The following DHRS7B variants were observed in gnomAD, a reference collection of about 807,000 sequenced individuals.
The protein encoded by DHRS7B is dehydrogenase/reductase 7B, also known as peroxisomal reductase activating PPAR-gamma.
In DHRS7B, 24 loss-of-function variants were observed where a neutral mutation model predicts 26.4. The observed-to-expected ratio is 0.91, with a 90% CI of 0.66 to 1.28. The LOEUF (loss-of-function observed/expected upper bound fraction) is 1.28. DHRS7B is among the 50% of genes most tolerant of loss of function. The probability of loss-of-function intolerance (pLI) is 0.00; values close to 1 mark genes in which losing one functional copy is unlikely to be tolerated. For missense variants in DHRS7B, 368 were observed against 419.4 expected (o/e 0.88, Z 1.07); for synonymous variants, 142 against 166.4 (o/e 0.85, Z 1.13).
chr17:21,164,621 A>G (rs1001423838), intron 1 of DHRS7B, among the ~76,000 whole-genome samples: 1 of 152,230 alleles, frequency 6.6e-6, no homozygotes, highest in African/African-American at 2.4e-5. Flanking sequence ...CAAGGCTTGT[A>G]CTTTGGACAG....
chr17:21,151,573 G>T (rs1012761270), intron 1 of DHRS7B, among the ~76,000 whole-genome samples: 3 of 149,692 alleles, frequency 2.0e-5, no homozygotes, highest in Non-Finnish European at 4.4e-5. Flanking sequence ...TTAACAAACT[G>T]AAAAATCAAC....
Position 21,182,733 on chromosome 17 carries a change from G to A in DHRS7B, c.310-861G>A, listed in dbSNP as rs550274847. Among the ~76,000 whole-genome samples, 5 of 152,224 alleles carry A rather than the reference G, an allele frequency of 3.3e-5. No individual in the cohort carries two copies. The South Asian group carries it at 1.0e-3, about 32-fold the overall frequency. On this transcript the variant is annotated intron_variant, in intron 3 of 6. Transcript: ENST00000395511. ...TGAACCAACTTTGCTTGCATTCCTA[G>A]GATAAATCCCACTTGGTCATGGTGA...
At chr17:21,150,208 G>T (rs1303196391) in intron 1 of DHRS7B, among the ~76,000 whole-genome samples, 2 of 151,580 alleles carry the variant, frequency 1.3e-5, no homozygotes, top group African/African-American at 4.8e-5. Flanking sequence ...AGACGAGGAG[G>T]CTGGTAAATC....
chr17:21,132,348 A>AAAAAATATATAT (rs1491147235), intron 1 of DHRS7B, among the ~76,000 whole-genome samples: 1 of 125,022 alleles, frequency 8.0e-6, no homozygotes, highest in African/African-American at 2.9e-5. Flanking sequence ...AAAAAAAAAA[A>AAAAAATATATAT]ATATATATAT....
chr17:21,180,183 T>C (rs930355790), intron 3 of DHRS7B, among the ~76,000 whole-genome samples: 19 of 151,402 alleles, frequency 1.3e-4, no homozygotes, highest in African/African-American at 4.4e-4. Flanking sequence ...CAAGTGATTC[T>C]CCTGCCTCAG....
At chr17:21,190,374 C>A (rs888646652) in intron 6 of DHRS7B, among the ~76,000 whole-genome samples, 4 of 152,206 alleles carry the variant, frequency 2.6e-5, no homozygotes, top group Non-Finnish European at 5.9e-5. Context: ...TGTTTCTCAT[C>A]CAATTAATAC....
intron 1 of DHRS7B, among the ~76,000 whole-genome samples, chr17:21,158,846 C>T (rs575113407): frequency 6.6e-6 from 1 of 150,996 alleles, no homozygotes; most frequent in East Asian, 2.0e-4. Context: ...ACAAGTAGAT[C>T]AATGGAACAG....
intron 4 of DHRS7B, 77 bp from the exon 5 acceptor site, chr17:21,184,294 C>G (rs1974579748): frequency 7.7e-7 from 1 of 1,300,058 alleles, no homozygotes; most frequent in South Asian, 1.3e-5. Flanking sequence ...ATATCAAAAG[C>G]AAGGTCGCCT....
chr17:21,177,899 C>G (rs1453904174), intron 2 of DHRS7B, among the ~76,000 whole-genome samples: 6 of 152,228 alleles, frequency 3.9e-5, no homozygotes, highest in African/African-American at 9.6e-5. Context: ...AGGACAAGAC[C>G]CTGCCTGAGT....
intron 1 of DHRS7B, among the ~76,000 whole-genome samples, chr17:21,129,646 A>G (rs1973183395): frequency 6.7e-6 from 1 of 150,352 alleles, no homozygotes; most frequent in Non-Finnish European, 1.5e-5. Context: ...TTGCGGCTAC[A>G]GTAAACTGTG....
At chr17:21,138,101 T>TATAC (rs1555536219) in intron 1 of DHRS7B, among the ~76,000 whole-genome samples, 10 of 86,146 alleles carry the variant, frequency 1.2e-4, no homozygotes, top group East Asian at 6.1e-4. Context: ...TATATATATA[T>TATAC]ACACACACAC....
chr17:21,184,516 T>C, intron 5 of DHRS7B, 53 bp downstream of exon 5: 2 of 1,521,442 alleles, frequency 1.3e-6, no homozygotes, highest in Non-Finnish European at 1.8e-6. Flanking sequence ...TTTTCCTGAT[T>C]ATAAAAATAA....
intron 1 of DHRS7B, among the ~76,000 whole-genome samples, chr17:21,140,529 CACACACACA>C (rs1973479635): frequency 1.4e-4 from 21 of 150,558 alleles, no homozygotes; most frequent in Admixed American, 3.3e-4. Flanking sequence ...CACACACACA[CACACACACA>C]CCCTGACACC....
chr17:21,162,215 T>A (rs951269831), intron 1 of DHRS7B, among the ~76,000 whole-genome samples: 1 of 152,192 alleles, frequency 6.6e-6, no homozygotes, highest in Non-Finnish European at 1.5e-5. Flanking sequence ...CAACATTTAA[T>A]GTTTAATCCC....
At chr17:21,137,530 T>C (rs1271197659) in intron 1 of DHRS7B, among the ~76,000 whole-genome samples, 1 of 151,812 alleles carries the variant, frequency 6.6e-6, no homozygotes, top group Non-Finnish European at 1.5e-5. Context: ...TAATATTGGC[T>C]CACTGCAACC....
chr17:21,178,228 C>T lies in DHRS7B; in HGVS notation c.200-5C>T. On this transcript the variant is annotated splice_region_variant and splice_polypyrimidine_tract_variant and intron_variant, in intron 2 of 6. Transcript: ENST00000395511. ...GGCTGTCAAGGCTCTTTTCTCTTCC[C>T]TTAGAATGTGCAAAAGTCTTCTATG... The T allele has an allele frequency of 1.2e-6, 2 of 1,613,948 alleles. No homozygotes were observed. Among genetic ancestry groups the T allele is most frequent in the Non-Finnish European group, 1.7e-6 (2 of 1,179,800 alleles).
chr17:21,161,997 C>T (rs981450652), intron 1 of DHRS7B, among the ~76,000 whole-genome samples: 2 of 151,568 alleles, frequency 1.3e-5, no homozygotes, highest in African/African-American at 2.4e-5. Flanking sequence ...TTAAATTTCA[C>T]AAAAATGTTT....
At chr17:21,150,117 A>AC (rs756807181) in intron 1 of DHRS7B, among the ~76,000 whole-genome samples, 41,411 of 141,764 alleles carry the variant, frequency 0.29, 6,857 homozygotes, top group Middle Eastern at 0.37. Context: ...AAAAAAAAAA[A>AC]AAAAAAAAAA....
intron 3 of DHRS7B, among the ~76,000 whole-genome samples, chr17:21,179,123 T>C (rs1378078241): frequency 2.0e-5 from 3 of 152,182 alleles, no homozygotes; most frequent in Non-Finnish European, 4.4e-5. Flanking sequence ...TTTTTTTTTT[T>C]CTACTTTTAT....
Sources: gnomAD v4.1 joint callset for allele counts (sites outside exome capture counted in the v4.1 genomes callset) on GRCh38, gnomAD v4.1.1 for gene constraint, MANE v1.5 for transcripts, NCBI Gene and HGNC (gene_info 2026-07-23, HGNC 2026-07-21) for gene names.